The following LAMP1 variants were observed in gnomAD, a reference collection of about 807,000 sequenced individuals.
LAMP1 encodes lysosome associated membrane protein 1.
A neutral mutation model predicts 37.5 loss-of-function variants in LAMP1; 7 were observed. The ratio of observed to expected loss-of-function variants is 0.19; its 90% CI spans 0.11 to 0.35. The LOEUF is 0.35. LAMP1 is among the 10% of genes least tolerant of loss of function. The probability of loss-of-function intolerance (pLI) is 1.00; values close to 1 mark genes in which losing one functional copy is unlikely to be tolerated. For synonymous variants in LAMP1, 236 were observed against 229.1 expected, an observed-to-expected ratio of 1.03 and a Z score of -0.27; for missense variants, 537 against 552.8, an observed-to-expected ratio of 0.97 and a Z score of 0.29.
At position 113,319,596 on chromosome 13, in the gene LAMP1, C is replaced by A; in HGVS notation, c.690C>A (p.Thr230=). 1 of 1,614,010 alleles carries A rather than the reference C, an allele frequency of 6.2e-7. No homozygotes were observed. Among genetic ancestry groups the A allele is most frequent in the Non-Finnish European group, 8.5e-7 (1 of 1,180,018 alleles). Residue 230 remains threonine, a synonymous_variant, in exon 5 of 9, where the codon ACC becomes ACA. Transcript: ENST00000332556. ...ACAACGTGAGCGGCACCAACGGGACCTGCCTGCTGGCCAGCATGGGGCTGC... is the reference window on the plus strand; with the variant it reads ...ACAACGTGAGCGGCACCAACGGGACATGCCTGCTGGCCAGCATGGGGCTGC... ...DKYNVSGTNG[T]CLLASMGLQL...
chr13:113,310,654 TAAAC>T (rs1361518912), intron 3 of LAMP1, 51 bp from the exon 4 acceptor site: 72 of 1,273,852 alleles, frequency 5.7e-5, no homozygotes, highest in South Asian at 5.3e-4. Context: ...AAAAAACACA[TAAAC>T]TAAGTACTGC....
In LAMP1 at chr13:113,320,211, G is replaced by A; in HGVS notation, c.751-134G>A. 2 of 1,011,694 alleles carry A rather than the reference G, an allele frequency of 2.0e-6. No individual in the cohort carries two copies. Among genetic ancestry groups the A allele is most frequent in the Non-Finnish European group, 3.0e-6 (2 of 663,382 alleles). The allele number at this position is 1,011,694 out of a possible 1,614,324, so 62.7% of individuals were successfully genotyped here. On this transcript the variant is annotated intron_variant, in intron 5 of 8. Transcript: ENST00000332556. This position sits in a 1 kb window ranked among gnomAD's most constrained non-coding sequence, Gnocchi z 4.4. The stretch of plus-strand genomic sequence containing the variant: ...GGATCCCGAAATCTGTACTAGTGTG[G>A]TCTTTCAGTGTTTTCCTTCTGGTTT...
At chr13:113,316,346 CAG>C (rs2042663923) in intron 4 of LAMP1, among the ~76,000 whole-genome samples, 1 of 151,860 alleles carries the variant, frequency 6.6e-6, no homozygotes, top group Non-Finnish European at 1.5e-5. Flanking sequence ...TTGAATGAAT[CAG>C]AGGACTGCCT....
chr13:113,316,301 T>C (rs1432974315), intron 4 of LAMP1, among the ~76,000 whole-genome samples: 2 of 152,156 alleles, frequency 1.3e-5, no homozygotes, highest in Admixed American at 6.5e-5. Context: ...GGTGTCTTCG[T>C]CTTTTATCCT....
chr13:113,319,478 G>C lies in LAMP1; in HGVS notation c.572G>C (p.Cys191Ser). The C allele has an allele frequency of 6.2e-7, 1 of 1,609,780 alleles. No homozygotes were observed. The highest frequency in any genetic ancestry group is 8.5e-7 in the Non-Finnish European group (1 of 1,177,478). Reference protein sequence around the residue: ...NSSFSRGETRCEQDRPSPTTA... With the variant: ...NSSFSRGETRSEQDRPSPTTA... ...TCCACTGCACCTGCAGAGACACGCT[G>C]TGAACAAGACAGGCCTTCCCCAACC... The change falls in exon 5 of 9, where the codon TGT (cysteine) becomes TCT (serine). Residue 191 changes from cysteine (C) to serine (S), a missense_variant. Physicochemically the swap from Cys to Ser is moderately radical, Grantham distance 112. Coordinates refer to ENST00000332556, the MANE Select transcript of LAMP1 (RefSeq NM_005561.4).
At chr13:113,315,940 T>G (rs957385375) in intron 4 of LAMP1, among the ~76,000 whole-genome samples, 2 of 151,918 alleles carry the variant, frequency 1.3e-5, no homozygotes, top group African/African-American at 4.8e-5. Flanking sequence ...CCGTCTCTAC[T>G]AAAAATATAA....
intron 1 of LAMP1, among the ~76,000 whole-genome samples, chr13:113,299,624 A>G (rs2042560271): frequency 6.8e-6 from 1 of 146,628 alleles, no homozygotes; most frequent in Non-Finnish European, 1.5e-5. Context: ...GCTGGAGTGC[A>G]GTGGCGTGAT....
chr13:113,306,431 G>A (rs984042558), intron 1 of LAMP1, 54 bp from the exon 2 acceptor site: 4 of 1,572,042 alleles, frequency 2.5e-6, no homozygotes, highest in Non-Finnish European at 3.5e-6. Context: ...GGAAATACTC[G>A]GTCGTATTTT....
At chr13:113,301,635 AAAAAAAAAAATATATAT>A (rs1347095683) in intron 1 of LAMP1, among the ~76,000 whole-genome samples, 1 of 22,310 alleles carries the variant, frequency 4.5e-5, no homozygotes, top group African/African-American at 1.4e-4. Context: ...TTTAAAAAAA[AAAAAAAAAAATATATAT>A]ATATATATAT....
intron 1 of LAMP1, among the ~76,000 whole-genome samples, chr13:113,298,570 C>G (rs2042554762): frequency 6.6e-6 from 1 of 152,180 alleles, no homozygotes; most frequent in Non-Finnish European, 1.5e-5. Context: ...CAGTCCCATC[C>G]AGCTGTAAAA....
chr13:113,297,447 G>C lies in LAMP1; in HGVS notation c.13G>C (p.Gly5Arg), dbSNP rs1356287770. The change falls in exon 1 of 9, where the codon GGC becomes CGC. Residue 5 changes from glycine (G) to arginine (R), a missense_variant. Physicochemically the swap from Gly to Arg is moderately radical, Grantham distance 125 (BLOSUM62 -2). Transcript: ENST00000332556. The surrounding 1 kb of genome is among the most constrained non-coding windows in gnomAD (Gnocchi z 4.4). ...GCCGCCTCGCGCCATGGCGGCCCCC[G>C]GCAGCGCCCGGCGACCCCTGCTGCT... MAAP[G>R]SARRPLLLLL... is the part of the protein sequence containing the mutation. 1.4e-5 allele frequency: 15 copies of C among 1,109,568 alleles called. No homozygotes were observed. Among genetic ancestry groups the C allele is most frequent in the African/African-American group, 3.3e-5 (2 of 61,420 alleles). 68.7% of individuals were successfully genotyped at this position (1,109,568 alleles called of 1,614,324 possible).
At chr13:113,319,766 A>C in intron 5 of LAMP1, 110 bp downstream of exon 5, 1 of 1,063,568 alleles carries the variant, frequency 9.4e-7, no homozygotes, top group Non-Finnish European at 1.4e-6. Flanking sequence ...TTAAGTCAGG[A>C]TGGGAGCTTA....
At chr13:113,299,267 A>G (rs545532294) in intron 1 of LAMP1, among the ~76,000 whole-genome samples, 66 of 148,362 alleles carry the variant, frequency 4.4e-4, no homozygotes, top group Admixed American at 8.6e-4. Flanking sequence ...TATGTTTACA[A>G]TCTTAACTTT....
chr13:113,311,511 T>C (rs1044189822), intron 4 of LAMP1, among the ~76,000 whole-genome samples: 3 of 152,184 alleles, frequency 2.0e-5, no homozygotes, highest in Admixed American at 1.3e-4. Context: ...TTTGAGCCAG[T>C]TGCCTTCACA....
At chr13:113,311,316 T>C (rs994195997) in intron 4 of LAMP1, among the ~76,000 whole-genome samples, 2 of 152,234 alleles carry the variant, frequency 1.3e-5, no homozygotes, top group African/African-American at 4.8e-5. Flanking sequence ...TTAACTCTTC[T>C]CACCATAAAA....
In LAMP1 at chr13:113,310,745, C is replaced by T. The variant is rs2042626358; in HGVS notation, c.440C>T (p.Ala147Val). ...GTGGAATCTATAACTGACATCAGGGCAGATATAGATAAAAAATACAGATGT... is the reference window on the plus strand; with the variant it reads ...GTGGAATCTATAACTGACATCAGGGTAGATATAGATAAAAAATACAGATGT... Reference protein sequence around the residue: ...KTVESITDIRADIDKKYRCVS... With the variant: ...KTVESITDIRVDIDKKYRCVS... Residue 147 changes from alanine (A) to valine (V), a missense_variant, in exon 4 of 9, where the codon GCA becomes GTA. Physicochemically the swap from Ala to Val is moderately conservative, Grantham distance 64. Coordinates refer to ENST00000332556, the MANE Select transcript of LAMP1 (RefSeq NM_005561.4). The T allele has an allele frequency of 1.2e-6, 2 of 1,611,504 alleles. No individual in the cohort carries two copies. Among genetic ancestry groups the T allele is most frequent in the East Asian group, 4.5e-5 (2 of 44,754 alleles).
At chr13:113,298,530 A>G (rs989997774) in intron 1 of LAMP1, among the ~76,000 whole-genome samples, 1 of 152,132 alleles carries the variant, frequency 6.6e-6, no homozygotes, top group Non-Finnish European at 1.5e-5. Context: ...ACACTCCTGT[A>G]CACATCTGCC....
At chr13:113,316,873 C>CA (rs772711948) in intron 4 of LAMP1, among the ~76,000 whole-genome samples, 1,092 of 98,986 alleles carry the variant, frequency 0.011, 13 homozygotes, top group African/African-American at 0.03. Context: ...GACTCTGTCT[C>CA]AAAAAAAAAA....
At chr13:113,309,885 T>A (rs1473003248) in intron 3 of LAMP1, 23 bp downstream of exon 3, 1 of 1,571,556 alleles carries the variant, frequency 6.4e-7, no homozygotes, top group African/African-American at 1.4e-5. Context: ...ATGGGCCGAT[T>A]ATGAAGTGAT....
Sources: gnomAD v4.1 joint callset for allele counts (sites outside exome capture counted in the v4.1 genomes callset) on GRCh38, gnomAD v4.1.1 for gene constraint, Gnocchi (gnomAD v3.1) non-coding constraint, MANE v1.5 for transcripts, NCBI Gene and HGNC (gene_info 2026-07-23, HGNC 2026-07-21) for gene names.